The following RGS8 variants were observed in gnomAD, a reference collection of about 807,000 sequenced individuals.
RGS8 encodes the protein regulator of G protein signaling 8.
In RGS8, 8 loss-of-function variants were observed where a neutral mutation model predicts 21.7. The observed-to-expected ratio is 0.37, with a 90% CI of 0.22 to 0.66. The LOEUF is 0.66. RGS8 is among the 30% of genes least tolerant of loss of function. RGS8 has a pLI of 0.59. For missense variants in RGS8, 157 were observed against 217.9 expected, an observed-to-expected ratio of 0.72 and a Z score of 1.76; for synonymous variants, 80 against 83.6, an observed-to-expected ratio of 0.96 and a Z score of 0.24.
At chr1:182,675,353 G>C (rs1664321590), upstream of RGS8, among the ~76,000 whole-genome samples, 1 of 152,034 alleles carries the variant, frequency 6.6e-6, no homozygotes, top group African/African-American at 2.4e-5. Flanking sequence ...CCATATGAGA[G>C]GTTATTCAAC....
the RGS8 span, among the ~76,000 whole-genome samples, chr1:182,697,696 C>T: frequency 1.3e-5 from 2 of 151,604 alleles, no homozygotes; most frequent in African/African-American, 4.8e-5. Flanking sequence ...TTTTTTTTCA[C>T]ATTTTCACAT....
the RGS8 span, among the ~76,000 whole-genome samples, chr1:182,707,933 C>T: frequency 6.6e-6 from 1 of 152,136 alleles, no homozygotes; most frequent in Non-Finnish European, 1.5e-5. Flanking sequence ...GTCTCGATCT[C>T]CTGACCTCGT....
the RGS8 span, among the ~76,000 whole-genome samples, chr1:182,740,235 T>C: frequency 0.04 from 6,091 of 152,276 alleles, 134 homozygotes; most frequent in Middle Eastern, 0.055. Flanking sequence ...CTCAGAAACA[T>C]TGACAAGCTA....
the RGS8 span, among the ~76,000 whole-genome samples, chr1:182,743,881 A>T: frequency 6.6e-6 from 1 of 152,136 alleles, no homozygotes; most frequent in Non-Finnish European, 1.5e-5. Context: ...CACACAAGAC[A>T]CATGTGCATA....
chr1:182,716,125 G>GTTTTT, the RGS8 span, among the ~76,000 whole-genome samples: 3 of 147,548 alleles, frequency 2.0e-5, no homozygotes. Context: ...ACTGTTTTTT[G>GTTTTT]GTTTTTTTTT....
At chr1:182,690,979 C>T in the RGS8 span, among the ~76,000 whole-genome samples, 1 of 152,222 alleles carries the variant, frequency 6.6e-6, no homozygotes, top group Non-Finnish European at 1.5e-5. Flanking sequence ...CACTAACTTG[C>T]TTCATGAAAG....
chr1:182,721,050 CATATATATGTGTGTATATATACATATAT>C, the RGS8 span, among the ~76,000 whole-genome samples: 163 of 80,184 alleles, frequency 2.0e-3, 5 homozygotes, highest in African/African-American at 5.6e-3. Flanking sequence ...CATATACATA[CATATATATGTGTGTATATATACATATAT>C]ACACATATAT....
chr1:182,721,031 G>GTA, the RGS8 span, among the ~76,000 whole-genome samples: 11 of 80,594 alleles, frequency 1.4e-4, no homozygotes, highest in Non-Finnish European at 2.5e-4. Flanking sequence ...ATATATGTGT[G>GTA]TATATATACA....
chr1:182,680,735 G>A (rs1664510764), intron 1 of RGS8, among the ~76,000 whole-genome samples: 1 of 152,140 alleles, frequency 6.6e-6, no homozygotes, highest in Admixed American at 6.5e-5. Flanking sequence ...GGTAAAAAAC[G>A]TATTTTTCAT....
intron 1 of RGS8, among the ~76,000 whole-genome samples, chr1:182,680,646 G>C (rs1664507655): frequency 9.0e-6 from 1 of 110,616 alleles, no homozygotes; most frequent in South Asian, 2.8e-4. Context: ...TCATTCATCT[G>C]ACTAACATTT....
chr1:182,684,944 G>A (rs972562296), upstream of RGS8, among the ~76,000 whole-genome samples: 1 of 152,176 alleles, frequency 6.6e-6, no homozygotes, highest in Non-Finnish European at 1.5e-5. This position sits in a 1 kb window ranked among gnomAD's most constrained non-coding sequence, Gnocchi z 4.2. Flanking sequence ...GAGAGATGGC[G>A]AAGGGGGAAA....
At chr1:182,741,883 A>AC in the RGS8 span, among the ~76,000 whole-genome samples, 46 of 125,292 alleles carry the variant, frequency 3.7e-4, 1 homozygote, top group Admixed American at 8.5e-4. Flanking sequence ...CGGGGGGCTG[A>AC]CCCCCCCACC....
At chr1:182,678,285 C>T (rs902212968) in intron 1 of RGS8, among the ~76,000 whole-genome samples, 1 of 152,076 alleles carries the variant, frequency 6.6e-6, no homozygotes, top group Admixed American at 6.5e-5. Context: ...GAAATTGTGC[C>T]TACAATGTGT....
At chr1:182,724,101 C>T in the RGS8 span, among the ~76,000 whole-genome samples, 1 of 150,016 alleles carries the variant, frequency 6.7e-6, no homozygotes, top group Non-Finnish European at 1.5e-5. Flanking sequence ...CTGGGAAAAG[C>T]AGACCCACCC....
At chr1:182,680,081 C>T (rs1191340761) in intron 1 of RGS8, among the ~76,000 whole-genome samples, 2 of 152,272 alleles carry the variant, frequency 1.3e-5, no homozygotes, top group Admixed American at 6.5e-5. Context: ...TCCTGGTTCA[C>T]GTCCTCACAG....
chr1:182,721,064 TATATATAC>T, the RGS8 span, among the ~76,000 whole-genome samples: 12 of 91,488 alleles, frequency 1.3e-4, no homozygotes, highest in African/African-American at 4.5e-4. Context: ...TATATGTGTG[TATATATAC>T]ATATATACAC....
At chr1:182,742,167 T>C in the RGS8 span, among the ~76,000 whole-genome samples, 1 of 148,100 alleles carries the variant, frequency 6.8e-6, no homozygotes, top group African/African-American at 2.5e-5. Flanking sequence ...CGCTCCTCAC[T>C]TCCCAGATGT....
the RGS8 span, among the ~76,000 whole-genome samples, chr1:182,732,883 C>G: frequency 6.6e-6 from 1 of 152,202 alleles, no homozygotes. Context: ...GCACATGCCT[C>G]AGGTAGAGTC....
intron 5 of RGS8, among the ~76,000 whole-genome samples, chr1:182,654,246 A>C (rs1663158517): frequency 6.6e-6 from 1 of 152,194 alleles, no homozygotes; most frequent in Admixed American, 6.5e-5. Context: ...ACAGAAGGGA[A>C]AGGGTATTGA....
Sources: gnomAD v4.1 joint callset for allele counts (sites outside exome capture counted in the v4.1 genomes callset) on GRCh38, gnomAD v4.1.1 for gene constraint, Gnocchi (gnomAD v3.1) non-coding constraint, MANE v1.5 for transcripts, NCBI Gene and HGNC (gene_info 2026-07-23, HGNC 2026-07-21) for gene names.